SMR3A: variants seen among roughly 807,000 people sequenced by gnomAD.
The protein encoded by SMR3A is submaxillary gland androgen regulated protein 3A, also known as submaxillary gland androgen-regulated protein 3A.
For synonymous variants in SMR3A, 48 were observed against 57.4 expected (o/e 0.84, Z 0.74); for missense variants, 188 against 163.0 (o/e 1.15, Z -0.84).
Position 70,367,008 on chromosome 4 carries a change from C to T in SMR3A, c.*14C>T. The T allele has an allele frequency of 6.2e-7, 1 of 1,604,110 alleles. No homozygotes were observed. Among genetic ancestry groups the T allele is most frequent in the Non-Finnish European group, 8.5e-7 (1 of 1,172,332 alleles). On this transcript the variant is annotated 3_prime_UTR_variant, in exon 3 of 3. Coordinates refer to ENST00000226460, the MANE Select transcript of SMR3A (RefSeq NM_012390.4). ...CCTGCACCCTAAATACAGACAACTGCAACAGGTGCCACCACCCACAAAAGA... is the reference window on the plus strand; with the variant it reads ...CCTGCACCCTAAATACAGACAACTGTAACAGGTGCCACCACCCACAAAAGA...
chr4:70,363,623 AT>A (rs1381817343), intron 2 of SMR3A, among the ~76,000 whole-genome samples: 1 of 151,838 alleles, frequency 6.6e-6, no homozygotes, highest in African/African-American at 2.4e-5. Context: ...CTAATATAGT[AT>A]TTTCATCATT....
intron 2 of SMR3A, among the ~76,000 whole-genome samples, chr4:70,365,366 C>T (rs1732237236): frequency 6.6e-6 from 1 of 151,968 alleles, no homozygotes; most frequent in African/African-American, 2.4e-5. Flanking sequence ...CATGAGCCAC[C>T]ATATCCAGCC....
chr4:70,363,196 A>G (rs902673920), intron 2 of SMR3A, among the ~76,000 whole-genome samples: 7 of 152,020 alleles, frequency 4.6e-5, no homozygotes, highest in African/African-American at 1.7e-4. Context: ...CTTTTATTAT[A>G]CAAATAGTAA....
At chr4:70,362,902 C>T (rs1052432682) in intron 2 of SMR3A, among the ~76,000 whole-genome samples, 1 of 151,748 alleles carries the variant, frequency 6.6e-6, no homozygotes, top group Non-Finnish European at 1.5e-5. Flanking sequence ...ATGACTTCCA[C>T]AAAGCAGGCA....
At chr4:70,362,309 TA>T in intron 2 of SMR3A, 140 bp downstream of exon 2, 1 of 1,426,302 alleles carries the variant, frequency 7.0e-7, no homozygotes, top group Non-Finnish European at 9.3e-7. Context: ...TTCTAGTGGT[TA>T]AATTTAAATT....
At chr4:70,366,432 C>A (rs1210842805) in intron 2 of SMR3A, among the ~76,000 whole-genome samples, 1 of 151,996 alleles carries the variant, frequency 6.6e-6, no homozygotes, top group Non-Finnish European at 1.5e-5. Flanking sequence ...CAGAGGAAAG[C>A]ATTTGCTGCA....
Position 70,362,240 on chromosome 4 carries a change from C to T in SMR3A, c.54+71C>T, listed in dbSNP as rs1577869130. ...AACCATTACTTCAGATTTCTTTTTA[C>T]ATTAATGATGTTACCTTTTCTTATA... On this transcript the variant is annotated intron_variant, in intron 2 of 2. Coordinates refer to ENST00000226460, the MANE Select transcript of SMR3A (RefSeq NM_012390.4). The T allele has an allele frequency of 1.1e-5, 18 of 1,605,718 alleles. No individual in the cohort carries two copies. The East Asian group carries it at 4.0e-4, about 36-fold the overall frequency.
intron 2 of SMR3A, among the ~76,000 whole-genome samples, chr4:70,365,264 A>G (rs1399910888): frequency 2.0e-5 from 3 of 151,784 alleles, no homozygotes; most frequent in South Asian, 2.1e-4. Flanking sequence ...TTTAATGGAG[A>G]TGGGGTCTTA....
At position 70,362,094 on chromosome 4, in the gene SMR3A, A is replaced by C. The variant is rs376018261; in HGVS notation, c.-14-8A>C. ...ATCATACTGATCACCTATTGTGCTT[A>C]CTTTCAGAGGCAACTGAAAGGATGA... On this transcript the variant is annotated splice_polypyrimidine_tract_variant and splice_region_variant and intron_variant, in intron 1 of 2. Transcript: ENST00000226460. The C allele has an allele frequency of 5.1e-5, 82 of 1,611,132 alleles. No homozygotes were observed. Among genetic ancestry groups the C allele is most frequent in the Non-Finnish European group, 6.9e-5 (81 of 1,178,066 alleles).
chr4:70,366,382 A>T (rs1190761854), intron 2 of SMR3A, among the ~76,000 whole-genome samples: 2 of 151,764 alleles, frequency 1.3e-5, no homozygotes, highest in African/African-American at 2.4e-5. Context: ...ATGTACTTCC[A>T]CATGGCCCTC....
intron 2 of SMR3A, among the ~76,000 whole-genome samples, chr4:70,364,255 A>G (rs904476163): frequency 2.0e-5 from 3 of 151,824 alleles, no homozygotes; most frequent in African/African-American, 7.3e-5. Flanking sequence ...GATGTCTTCG[A>G]CCTCTCTGTA....
At chr4:70,364,777 C>G (rs1452466759) in intron 2 of SMR3A, among the ~76,000 whole-genome samples, 1 of 151,858 alleles carries the variant, frequency 6.6e-6, no homozygotes. Context: ...AAGAGATAAT[C>G]TAAGGTAAGA....
In SMR3A at chr4:70,366,842, G is replaced by A. The variant is rs763272054; in HGVS notation, c.253G>A (p.Gly85Ser). 2 of 1,613,336 alleles carry A rather than the reference G, an allele frequency of 1.2e-6. No homozygotes were observed. Among genetic ancestry groups the A allele is most frequent in the Non-Finnish European group, 1.7e-6 (2 of 1,179,722 alleles). ...RIPPSPPPPY[G>S]PGRIQSHSLP... ...CCCACCATCCCCTCCTCCACCCTAT[G>A]GTCCAGGGAGAATTCAATCACACTC... The change falls in exon 3 of 3, where the codon GGT becomes AGT. Residue 85 changes from glycine (G) to serine (S), a missense_variant. Physicochemically the swap from Gly to Ser is moderately conservative, Grantham distance 56. Transcript: ENST00000226460.
intron 2 of SMR3A, among the ~76,000 whole-genome samples, chr4:70,365,538 C>A (rs76160682): frequency 2.6e-5 from 4 of 151,960 alleles, no homozygotes; most frequent in African/African-American, 9.7e-5. Flanking sequence ...AAAAGAGACT[C>A]AAAAAGGATT....
rs1732284378 is a variant in SMR3A, at chr4:70,367,039, C to T, written c.*45C>T. 1 of 1,521,398 alleles carries T rather than the reference C, an allele frequency of 6.6e-7. No individual in the cohort carries two copies. Among genetic ancestry groups the T allele is most frequent in the Non-Finnish European group, 9.1e-7 (1 of 1,100,550 alleles). The allele number at this position is 1,521,398 out of a possible 1,614,324, so 94.2% of individuals were successfully genotyped here. ...GTGCCACCACCCACAAAAGACAACA[C>T]TACCCTCGTAACTACTGCTTCTACT... is the stretch of plus-strand genomic sequence containing the variant. On this transcript the variant is annotated 3_prime_UTR_variant, in exon 3 of 3. Coordinates refer to ENST00000226460, the MANE Select transcript of SMR3A (RefSeq NM_012390.4).
At chr4:70,363,421 G>C (rs1732190619) in intron 2 of SMR3A, among the ~76,000 whole-genome samples, 1 of 151,772 alleles carries the variant, frequency 6.6e-6, no homozygotes, top group Non-Finnish European at 1.5e-5. Flanking sequence ...CTCTGTTATA[G>C]GTAATTTTCC....
intron 2 of SMR3A, among the ~76,000 whole-genome samples, chr4:70,364,195 CTGAA>C (rs1358680681): frequency 6.6e-6 from 1 of 152,018 alleles, no homozygotes. Context: ...GTGGTTGAAA[CTGAA>C]TCTTTTATAA....
intron 1 of SMR3A, among the ~76,000 whole-genome samples, chr4:70,361,697 C>T (rs183980556): frequency 6.6e-6 from 1 of 151,626 alleles, no homozygotes; most frequent in African/African-American, 2.4e-5. Flanking sequence ...ATATTTCAAA[C>T]CCAAGCCTAT....
Position 70,366,707 on chromosome 4 carries a change from C to G in SMR3A, c.118C>G (p.Pro40Ala), listed in dbSNP as rs376443593. The change falls in exon 3 of 3, where the codon CCA (proline) becomes GCA (alanine). Residue 40 changes from proline to alanine, a missense_variant. Transcript: ENST00000226460. ...ACCTGGACCACTGGCTCCTCCTCCT[C>G]CACCATGTTTTCCTTTTGGAACAGG... Reference protein sequence around the residue: ...YPPGPLAPPPPPCFPFGTGFV... With the variant: ...YPPGPLAPPPAPCFPFGTGFV... 1.2e-5 allele frequency: 19 copies of G among 1,613,260 alleles called. No individual in the cohort carries two copies. The highest frequency in any genetic ancestry group is 1.5e-5 in the Non-Finnish European group (18 of 1,179,576).
Sources: gnomAD v4.1 joint callset for allele counts (sites outside exome capture counted in the v4.1 genomes callset) on GRCh38, gnomAD v4.1.1 for gene constraint, MANE v1.5 for transcripts, NCBI Gene and HGNC (gene_info 2026-07-23, HGNC 2026-07-21) for gene names.